IFT74: variants seen among roughly 807,000 people sequenced by gnomAD.
IFT74 encodes intraflagellar transport 74, also known as intraflagellar transport protein 74 homolog.
Under a neutral mutation model 96.7 loss-of-function variants are expected in IFT74, and 92 were observed. The observed-to-expected ratio is 0.95, with a 90% CI of 0.80 to 1.13. The LOEUF is 1.13. IFT74 is among the 50% of genes most tolerant of loss of function. IFT74 has a pLI of 0.00. For missense variants in IFT74, 811 were observed against 698.2 expected (o/e 1.16, Z -1.82); for synonymous variants, 223 against 213.2 (o/e 1.05, Z -0.40).
chr9:27,062,676 G>A lies in IFT74; in HGVS notation c.1743G>A (p.Lys581=). ...AGCCAATTAAGAAAAATGTGACCAA[G>A]CAGATTGCAGAGTACAATAAAACCA... The part of the protein sequence containing the change: ...DYQPIKKNVT[K]QIAEYNKTIV... The change falls in exon 20 of 20, where the codon AAG becomes AAA. Residue 581 remains lysine, a synonymous_variant. Transcript: ENST00000380062. 2 of 1,610,234 alleles carry A rather than the reference G, an allele frequency of 1.2e-6. No homozygotes were observed. The highest frequency in any genetic ancestry group is 1.7e-4 in the Middle Eastern group (1 of 6,056).
chr9:27,038,066 G>A (rs1225497398), intron 13 of IFT74, among the ~76,000 whole-genome samples: 1 of 152,138 alleles, frequency 6.6e-6, no homozygotes, highest in African/African-American at 2.4e-5. Flanking sequence ...TGTCCTTGAT[G>A]CTAACCTTGA....
chr9:27,041,389 G>A (rs1412957128), intron 13 of IFT74, among the ~76,000 whole-genome samples: 1 of 152,070 alleles, frequency 6.6e-6, no homozygotes, highest in Non-Finnish European at 1.5e-5. Flanking sequence ...TGAGAATAGG[G>A]TGGAAACTGT....
intron 16 of IFT74, among the ~76,000 whole-genome samples, chr9:27,049,321 C>T (rs1183471859): frequency 6.6e-6 from 1 of 152,138 alleles, no homozygotes; most frequent in East Asian, 1.9e-4. Context: ...CAACTGGATA[C>T]CCTAAGAAAG....
At chr9:26,965,253 T>C (rs1403465922) in intron 2 of IFT74, among the ~76,000 whole-genome samples, 1 of 152,206 alleles carries the variant, frequency 6.6e-6, no homozygotes, top group African/African-American at 2.4e-5. Flanking sequence ...TAAATTTATC[T>C]GATTTTCACA....
chr9:27,066,076 T>A lies in IFT74; in HGVS notation c.*3340T>A, dbSNP rs1820595357. 6.6e-6 allele frequency among the ~76,000 whole-genome samples: 1 copy of A among 152,238 alleles called. No homozygotes were observed. Among genetic ancestry groups the A allele is most frequent in the African/African-American group, 2.4e-5 (1 of 41,468 alleles). ...TCTATATTTATGTCACACATATCTG[T>A]TTTATTTATGTATTTATGCACCTTT... On this transcript the variant is annotated 3_prime_UTR_variant, in exon 20 of 20. Coordinates refer to ENST00000380062, the MANE Select transcript of IFT74 (RefSeq NM_025103.4).
intron 9 of IFT74, 86 bp from the exon 10 acceptor site, chr9:27,011,820 T>C: frequency 1.4e-6 from 1 of 708,278 alleles, no homozygotes; most frequent in Admixed American, 3.9e-5. Context: ...GAGAAATAAA[T>C]TTTTTTTCCC....
At chr9:26,992,881 A>G (rs1827951325) in intron 8 of IFT74, among the ~76,000 whole-genome samples, 1 of 152,132 alleles carries the variant, frequency 6.6e-6, no homozygotes, top group Admixed American at 6.6e-5. Flanking sequence ...TTCTGTTTTC[A>G]TTCTCTTCTC....
At chr9:27,013,017 A>T (rs1013108169) in intron 10 of IFT74, among the ~76,000 whole-genome samples, 9 of 152,164 alleles carry the variant, frequency 5.9e-5, no homozygotes, top group Non-Finnish European at 1.0e-4. Flanking sequence ...GCGCCCAGCC[A>T]AAATGTCTGT....
At chr9:26,996,182 G>C (rs951951013) in intron 8 of IFT74, 4 of 636,394 alleles carry the variant, frequency 6.3e-6, no homozygotes, top group South Asian at 4.1e-5. Context: ...GCAATATTTT[G>C]TAAATCTTTA....
In IFT74 at chr9:26,989,749, C is replaced by T. The variant is rs57312561; in HGVS notation, c.526-385C>T. Among the ~76,000 whole-genome samples the T allele has an allele frequency of 3.1e-4, 47 of 152,116 alleles. 1 individual carries two copies. Among genetic ancestry groups the T allele is most frequent in the Middle Eastern group, 6.8e-3 (2 of 294 alleles). On this transcript the variant is annotated intron_variant, in intron 7 of 19. Coordinates refer to ENST00000380062, the MANE Select transcript of IFT74 (RefSeq NM_025103.4). ...GCACAGGTAGAGTTAATTAGGTGTA[C>T]TCAGATAATATCCTGAATGGTTCAG...
intron 13 of IFT74, among the ~76,000 whole-genome samples, chr9:27,038,986 G>A (rs575569348): frequency 3.4e-4 from 52 of 152,238 alleles, no homozygotes; most frequent in Admixed American, 1.2e-3. Context: ...GACCTTAAAC[G>A]CTTGAAGATT....
intron 1 of IFT74, among the ~76,000 whole-genome samples, chr9:26,949,176 TATATA>T (rs1338717493): frequency 7.9e-5 from 12 of 152,216 alleles, no homozygotes; most frequent in African/African-American, 2.9e-4. Flanking sequence ...TACTGCCTCC[TATATA>T]ATAGGAAATG....
chr9:27,039,626 G>A (rs1819377505), intron 13 of IFT74, among the ~76,000 whole-genome samples: 3 of 152,190 alleles, frequency 2.0e-5, no homozygotes. Flanking sequence ...AACATGTACA[G>A]TCTTATTTTC....
chr9:27,032,925 GATTA>G (rs1003447495), intron 13 of IFT74, among the ~76,000 whole-genome samples: 2 of 151,872 alleles, frequency 1.3e-5, no homozygotes, highest in Admixed American at 6.6e-5. Context: ...TAAAGATTCA[GATTA>G]ATTTTTTAAA....
upstream of IFT74, among the ~76,000 whole-genome samples, chr9:26,954,585 A>G (rs954846189): frequency 1.3e-5 from 2 of 150,576 alleles, no homozygotes; most frequent in African/African-American, 4.9e-5. Context: ...GGGGGGCCAG[A>G]AGGAGTTGGA....
intron 13 of IFT74, among the ~76,000 whole-genome samples, chr9:27,037,526 C>A (rs1368844495): frequency 1.3e-5 from 2 of 152,152 alleles, no homozygotes; most frequent in Non-Finnish European, 2.9e-5. Flanking sequence ...ACTCAGAAGA[C>A]AAAGGATACC....
Position 26,956,455 on chromosome 9 carries a change from C to T in IFT74, c.-81C>T, listed in dbSNP as rs1333334086. The T allele has an allele frequency of 1.3e-5, 2 of 152,232 alleles. No individual in the cohort carries two copies. Among genetic ancestry groups the T allele is most frequent in the African/African-American group, 2.4e-5 (1 of 41,452 alleles). 9.4% of individuals were successfully genotyped at this position (152,232 alleles called of 1,614,324 possible). ...AGAGCCGAGGAAAACTGAGCGTGGG[C>T]CTCAGAAAGAAGTTAAGGCACCCGC... is the stretch of plus-strand genomic sequence containing the variant. On this transcript the variant is annotated 5_prime_UTR_variant, in exon 1 of 20. Transcript: ENST00000380062.
At chr9:26,957,358 TTATTGTACTCGTTTTCTTCTGGAAAAAC>T (rs1826158294) in intron 1 of IFT74, among the ~76,000 whole-genome samples, 2 of 152,212 alleles carry the variant, frequency 1.3e-5, no homozygotes, top group African/African-American at 4.8e-5. Flanking sequence ...AAAGAGATGT[TTATTGTACTCGTTTTCTTCTGGAAAAAC>T]CATTTTGATC....
intron 1 of IFT74, among the ~76,000 whole-genome samples, chr9:26,949,419 C>G (rs1232825340): frequency 6.6e-6 from 1 of 152,156 alleles, no homozygotes; most frequent in Non-Finnish European, 1.5e-5. Context: ...CAGAAACAGA[C>G]AAACCTCTAA....
Sources: allele counts gnomAD v4.1 joint callset (sites outside exome capture counted in the v4.1 genomes callset), GRCh38; gene constraint gnomAD v4.1.1; transcripts MANE v1.5; gene names NCBI Gene and HGNC (gene_info 2026-07-23, HGNC 2026-07-21).